Variants in TMEM94 observed in about 807,000 individuals in gnomAD.
TMEM94 encodes the protein transmembrane protein 94, also known as ER Mg2+ ATPase.
Under a neutral mutation model 158.6 loss-of-function variants are expected in TMEM94, and 81 were observed. That is an observed-to-expected ratio of 0.51 (90% CI 0.43 to 0.61). TMEM94 has a LOEUF of 0.61. Among genes scored for constraint, TMEM94 ranks in the 20% least tolerant of loss-of-function variants. The probability of loss-of-function intolerance (pLI) is 0.00; values close to 1 mark genes in which losing one functional copy is unlikely to be tolerated. For missense variants in TMEM94, 1,435 were observed against 1,762.0 expected, an observed-to-expected ratio of 0.81 and a Z score of 3.32; for synonymous variants, 751 against 730.7, an observed-to-expected ratio of 1.03 and a Z score of -0.45.
At chr17:75,497,631 G>A (rs541683875) in intron 26 of TMEM94, 150 bp from the exon 27 acceptor site, 2 of 632,816 alleles carry the variant, frequency 3.2e-6, no homozygotes, top group Non-Finnish European at 5.7e-6. Context: ...TGGGATTACA[G>A]GTGTGAGCCA....
chr17:75,488,416 A>G (rs979299213), intron 6 of TMEM94, among the ~76,000 whole-genome samples: 3 of 152,128 alleles, frequency 2.0e-5, no homozygotes, highest in African/African-American at 7.2e-5. Flanking sequence ...AGCTGGGATT[A>G]CAGGCACATG....
chr17:75,468,777 C>T (rs1324387975), intron 1 of TMEM94, among the ~76,000 whole-genome samples: 1 of 152,154 alleles, frequency 6.6e-6, no homozygotes, highest in African/African-American at 2.4e-5. Context: ...TGGTTGGGTC[C>T]TCCGGACACA....
intron 1 of TMEM94, among the ~76,000 whole-genome samples, chr17:75,467,557 G>A (rs2050350255): frequency 8.4e-6 from 1 of 118,974 alleles, no homozygotes; most frequent in Non-Finnish European, 1.6e-5. Flanking sequence ...ACGGAGTCTC[G>A]CTCTGTCGCC....
At chr17:75,494,582 C>G in intron 18 of TMEM94, 45 bp from the exon 19 acceptor site, 1 of 1,597,704 alleles carries the variant, frequency 6.3e-7, no homozygotes, top group South Asian at 1.1e-5. Flanking sequence ...TGGGCTGGTT[C>G]CTGGGTGTCC....
rs759677214 is a variant in TMEM94 at position 75,491,827 on chromosome 17, G to A, written c.1523G>A (p.Arg508His). The change falls in exon 14 of 32, where the codon CGC (arginine) becomes CAC (histidine). Residue 508 changes from arginine to histidine, a missense_variant. By Grantham distance (29) the Arg-to-His change is conservative. Around this residue, in one of 3 missense-constraint regions of TMEM94, gnomAD observed 1,051 missense variants for 1,254.4 expected, o/e 0.84. Coordinates refer to ENST00000314256, the MANE Select transcript of TMEM94 (RefSeq NM_014738.6). The surrounding 1 kb of genome is among the most constrained non-coding windows in gnomAD (Gnocchi z 5.1). ...TATTCACACCACAAAGCGCATGGCC[G>A]CAGCAAACACCCATCTGGCTCCAAC... is the stretch of plus-strand genomic sequence containing the variant. ...EPYSHHKAHGRSKHPSGSNVS... is the reference protein window; with the variant it reads ...EPYSHHKAHGHSKHPSGSNVS... The A allele has an allele frequency of 1.2e-5, 19 of 1,613,928 alleles. No homozygotes were observed. Among genetic ancestry groups the A allele is most frequent in the South Asian group, 2.2e-5 (2 of 91,080 alleles).
intron 9 of TMEM94, 80 bp from the exon 10 acceptor site, chr17:75,490,154 T>A: frequency 6.4e-7 from 1 of 1,551,512 alleles, no homozygotes; most frequent in Non-Finnish European, 8.7e-7. Flanking sequence ...GGAATGGCCG[T>A]GGGGCCAGGG....
At chr17:75,472,105 C>T (rs1175267310) in intron 2 of TMEM94, 176 bp downstream of exon 2, 2 of 625,074 alleles carry the variant, frequency 3.2e-6, no homozygotes. Context: ...AAAGCACAGA[C>T]TCACAGAGCT....
intron 1 of TMEM94, among the ~76,000 whole-genome samples, chr17:75,465,655 T>TATATATATATATATATATATA (rs9302993): frequency 5.1e-5 from 5 of 98,804 alleles, no homozygotes; most frequent in African/African-American, 2.1e-4. Context: ...ATAAGAATTT[T>TATATATATATATATATATATA]TATATATATA....
Position 75,491,937 on chromosome 17 carries a change from C to G in TMEM94, c.1596+37C>G. 1.3e-6 allele frequency: 2 copies of G among 1,571,822 alleles called. No homozygotes were observed. Among genetic ancestry groups the G allele is most frequent in the Non-Finnish European group, 1.7e-6 (2 of 1,155,966 alleles). The stretch of plus-strand genomic sequence containing the variant: ...GGGTGGCACGGGGCAGCCACACCCT[C>G]GGCCACAGGCTGTCCTGGCCTCCCT... On this transcript the variant is annotated intron_variant, in intron 14 of 31. Transcript: ENST00000314256. This position sits in a 1 kb window ranked among gnomAD's most constrained non-coding sequence, Gnocchi z 5.1.
Position 75,485,357 on chromosome 17 carries a change from G to A in TMEM94, c.25-71G>A. ...AAGGATGAAGGGCCAGGGAAGGGGA[G>A]GGTTGGGGCCCGCGTGCCTTGCATA... On this transcript the variant is annotated intron_variant, in intron 2 of 31. Coordinates refer to ENST00000314256, the MANE Select transcript of TMEM94 (RefSeq NM_014738.6). The surrounding 1 kb of genome is among the most constrained non-coding windows in gnomAD (Gnocchi z 5.5). The A allele has an allele frequency of 6.4e-7, 1 of 1,560,442 alleles. No homozygotes were observed. The highest frequency in any genetic ancestry group is 8.7e-7 in the Non-Finnish European group (1 of 1,148,120).
chr17:75,497,957 G>A lies in TMEM94; in HGVS notation c.3489+95G>A. 3 of 1,263,344 alleles carry A rather than the reference G, an allele frequency of 2.4e-6. No individual in the cohort carries two copies. In the South Asian group the frequency reaches 3.8e-5, roughly 16 times the overall value. The allele number at this position is 1,263,344 out of a possible 1,614,324, so 78.3% of individuals were successfully genotyped here. ...GGGGCTAATCTGGAAGGCTCTGGAT[G>A]GGGGATTCCAGCAGAACTCCGGCAC... is the stretch of plus-strand genomic sequence containing the variant. On this transcript the variant is annotated intron_variant, in intron 27 of 31. Transcript: ENST00000314256.
At chr17:75,481,597 G>A (rs1372265756) in intron 2 of TMEM94, among the ~76,000 whole-genome samples, 4 of 152,340 alleles carry the variant, frequency 2.6e-5, no homozygotes, top group African/African-American at 9.6e-5. Flanking sequence ...GGGTATGTGT[G>A]GAGACAGGCA....
At chr17:75,483,864 A>G (rs2051368872) in intron 2 of TMEM94, among the ~76,000 whole-genome samples, 1 of 152,160 alleles carries the variant, frequency 6.6e-6, no homozygotes, top group African/African-American at 2.4e-5. Flanking sequence ...TTGAAGTAAA[A>G]TAGGAGTTGT....
chr17:75,495,585 G>T lies in TMEM94; in HGVS notation c.2886G>T (p.Leu962=), dbSNP rs139397113. The T allele has an allele frequency of 1.5e-5, 24 of 1,613,458 alleles. No homozygotes were observed. The African/African-American group carries it at 2.3e-4, about 15-fold the overall frequency. The change falls in exon 22 of 32, where the codon CTG becomes CTT. Residue 962 remains leucine, a synonymous_variant. Transcript: ENST00000314256. The surrounding 1 kb of genome is among the most constrained non-coding windows in gnomAD (Gnocchi z 5.6). The part of the protein sequence containing the change: ...PRGIHQVRPH[L]QNIDNVPLLV... ...GTATCCACCAAGTGCGGCCCCACCT[G>T]CAGAACATTGACAACGTGCCCCTGC...
Position 75,489,788 on chromosome 17 carries a change from C to A in TMEM94, c.954+126C>A. On this transcript the variant is annotated intron_variant, in intron 9 of 31. Coordinates refer to ENST00000314256, the MANE Select transcript of TMEM94 (RefSeq NM_014738.6). This position sits in a 1 kb window ranked among gnomAD's most constrained non-coding sequence, Gnocchi z 5.0. ...GTCCCCTCACGCTTCAGCTTAAGAACACCTCTTTCCAGCTGGGCGTGGGGA... is the reference window on the plus strand; with the variant it reads ...GTCCCCTCACGCTTCAGCTTAAGAAAACCTCTTTCCAGCTGGGCGTGGGGA... 1.2e-6 allele frequency: 1 copy of A among 812,340 alleles called. No homozygotes were observed. Among genetic ancestry groups the A allele is most frequent in the Non-Finnish European group, 2.0e-6 (1 of 495,982 alleles). The allele number at this position is 812,340 out of a possible 1,614,324, so 50.3% of individuals were successfully genotyped here. A position where few individuals can be genotyped will look rare whatever the true frequency, so the allele number is the denominator to read the frequency against.
Position 75,489,211 on chromosome 17 carries a change from G to A in TMEM94, c.765-55G>A. Reference sequence around the variant, plus strand: ...CAGAGAGGCCCAGAATCCTCCCAAGGTGTAGGTTTCTAGCCTCTCTGCCAA... The same window carrying A: ...CAGAGAGGCCCAGAATCCTCCCAAGATGTAGGTTTCTAGCCTCTCTGCCAA... On this transcript the variant is annotated intron_variant, in intron 7 of 31. Coordinates refer to ENST00000314256, the MANE Select transcript of TMEM94 (RefSeq NM_014738.6). The surrounding 1 kb of genome is among the most constrained non-coding windows in gnomAD (Gnocchi z 5.0). 2 of 1,522,830 alleles carry A rather than the reference G, an allele frequency of 1.3e-6. No individual in the cohort carries two copies. The highest frequency in any genetic ancestry group is 1.8e-6 in the Non-Finnish European group (2 of 1,097,560). The allele number at this position is 1,522,830 out of a possible 1,614,324, so 94.3% of individuals were successfully genotyped here.
In TMEM94 at chr17:75,485,706, G is replaced by T; in HGVS notation, c.144+159G>T. On this transcript the variant is annotated intron_variant, in intron 3 of 31. Coordinates refer to ENST00000314256, the MANE Select transcript of TMEM94 (RefSeq NM_014738.6). The surrounding 1 kb of genome is among the most constrained non-coding windows in gnomAD (Gnocchi z 5.5). ...AAGAAGCCAAGGTTCCCCTCAGAGT[G>T]GCTCCTGAGCCTGCTTGCTGCAGGA... 7.5e-7 allele frequency: 1 copy of T among 1,330,098 alleles called. No homozygotes were observed. The allele number at this position is 1,330,098 out of a possible 1,614,324, so 82.4% of individuals were successfully genotyped here.
chr17:75,471,065 C>T (rs1007482573), intron 1 of TMEM94, among the ~76,000 whole-genome samples: 5 of 150,764 alleles, frequency 3.3e-5, no homozygotes, highest in African/African-American at 7.3e-5. Flanking sequence ...GGTGAAACCC[C>T]GTCTTTACTA....
chr17:75,476,863 C>A, intron 2 of TMEM94: 1 of 1,441,388 alleles, frequency 6.9e-7, no homozygotes, highest in Non-Finnish European at 9.3e-7. Context: ...AAATGGGAGG[C>A]TGCTTGAATG....
Sources: gnomAD v4.1 joint callset for allele counts (sites outside exome capture counted in the v4.1 genomes callset) on GRCh38, gnomAD v4.1.1 for gene constraint, gnomAD v4.1.1 regional missense constraint, Gnocchi (gnomAD v3.1) non-coding constraint, MANE v1.5 for transcripts, NCBI Gene and HGNC (gene_info 2026-07-23, HGNC 2026-07-21) for gene names.